NSD2: variants seen among roughly 807,000 people sequenced by gnomAD.
NSD2 encodes the protein histone-lysine N-methyltransferase NSD2.
Under a neutral mutation model 139.0 loss-of-function variants are expected in NSD2, and 12 were observed. That is an observed-to-expected ratio of 0.09 (90% CI 0.06 to 0.14). The LOEUF (loss-of-function observed/expected upper bound fraction) is 0.14. Among genes scored for constraint, NSD2 ranks in the 10% least tolerant of loss-of-function variants. NSD2 has a pLI of 1.00. For missense variants in NSD2, 1,155 were observed against 1,745.0 expected (o/e 0.66, Z 6.02); for synonymous variants, 669 against 648.7 (o/e 1.03, Z -0.48).
chr4:1,921,156 CTT>C (rs947263601), intron 5 of NSD2, among the ~76,000 whole-genome samples: 1 of 152,122 alleles, frequency 6.6e-6, no homozygotes, highest in African/African-American at 2.4e-5. Context: ...ACACATGAAA[CTT>C]TAGAAGCATT....
intron 1 of NSD2, among the ~76,000 whole-genome samples, chr4:1,873,684 C>A (rs1198145552): frequency 6.6e-6 from 1 of 152,202 alleles, no homozygotes; most frequent in African/African-American, 2.4e-5. Context: ...AAAGTTTACT[C>A]ACATGGCAGA....
In NSD2 at chr4:1,978,793, T is replaced by G. The variant is rs1560825389; in HGVS notation, c.3982T>G (p.Leu1328Val). 1 of 1,613,032 alleles carries G rather than the reference T, an allele frequency of 6.2e-7. No homozygotes were observed. Among genetic ancestry groups the G allele is most frequent in the East Asian group, 2.2e-5 (1 of 44,824 alleles). ...DGRSYCCEHD[L>V]GAASVRSTKT... ...GCGGTCCTACTGCTGTGAGCATGAC[T>G]TAGGGGCGGCATCGGTCAGAAGCAC... Residue 1328 changes from leucine to valine, a missense_variant, in exon 22 of 22, where the codon TTA becomes GTA. By Grantham distance (32) the Leu-to-Val change is conservative. This residue lies in a region of NSD2 where 132 missense variants were observed against 94.3 expected (regional missense o/e 1.40). Transcript: ENST00000508803.
chr4:1,953,290 C>T (rs1436531320), intron 11 of NSD2, 34 bp from the exon 12 acceptor site: 4 of 1,614,052 alleles, frequency 2.5e-6, no homozygotes, highest in South Asian at 1.1e-5. Flanking sequence ...TTCTTTGCAC[C>T]TCTCTCTCCA....
At chr4:1,931,400 T>C (rs1471533806) in intron 6 of NSD2, among the ~76,000 whole-genome samples, 1 of 152,164 alleles carries the variant, frequency 6.6e-6, no homozygotes, top group East Asian at 1.9e-4. Flanking sequence ...AGAGCTGACA[T>C]TGTAAGATTT....
intron 2 of NSD2, among the ~76,000 whole-genome samples, chr4:1,902,817 C>A (rs954168541): frequency 4.6e-5 from 7 of 152,130 alleles, no homozygotes; most frequent in African/African-American, 1.7e-4. Flanking sequence ...TTGACTCTTC[C>A]TCTGGAGAGT....
At chr4:1,938,401 CTTTTTTTTTTCTTTCTTTT>C in intron 7 of NSD2, 31 bp from the exon 8 acceptor site, 1 of 872,426 alleles carries the variant, frequency 1.1e-6, no homozygotes, top group Non-Finnish European at 1.4e-6. Flanking sequence ...TTTTTCTTTT[CTTTTTTTTTTCTTTCTTTT>C]TTTTTTTTTT....
intron 7 of NSD2, 31 bp from the exon 8 acceptor site, chr4:1,938,420 T>G: frequency 5.1e-6 from 5 of 988,602 alleles, no homozygotes; most frequent in Non-Finnish European, 6.8e-6. Context: ...TTCTTTCTTT[T>G]TTTTTTTTTT....
chr4:1,888,732 A>C (rs1560561590), intron 1 of NSD2, among the ~76,000 whole-genome samples: 1 of 148,938 alleles, frequency 6.7e-6, no homozygotes, highest in Admixed American at 6.7e-5. Context: ...CGCCTGGCTA[A>C]TTTTTGTATT....
chr4:1,881,614 C>G (rs1714699843), intron 1 of NSD2, among the ~76,000 whole-genome samples: 1 of 152,118 alleles, frequency 6.6e-6, no homozygotes, highest in Admixed American at 6.6e-5. Flanking sequence ...CCAGGCTGGT[C>G]TTGAATTCCT....
chr4:1,942,361 T>A lies in NSD2; in HGVS notation c.1881+2583T>A. 1 of 1,613,900 alleles carries A rather than the reference T, an allele frequency of 6.2e-7. No homozygotes were observed. The highest frequency in any genetic ancestry group is 1.6e-4 in the Middle Eastern group (1 of 6,062). ...CAGCTTTTGTGGGAGCCCACACCAG[T>A]CAAGTTGGATTTGAACCCAGCTGCT... On this transcript the variant is annotated intron_variant, in intron 9 of 21. Transcript: ENST00000508803. This position sits in a 1 kb window ranked among gnomAD's most constrained non-coding sequence, Gnocchi z 4.0.
rs1181102197 is a variant in NSD2, at chr4:1,945,085, G to A, written c.1881+5307G>A. On this transcript the variant is annotated intron_variant, in intron 9 of 21. Transcript: ENST00000508803. The stretch of plus-strand genomic sequence containing the variant: ...CCTCTGTCCCACTGCTGCTTCTTGA[G>A]TGGGTGGAGTGGTGCTTAGAGGATC... 5 of 1,066,616 alleles carry A rather than the reference G, an allele frequency of 4.7e-6. No individual in the cohort carries two copies. The African/African-American group carries it at 8.2e-5, about 17-fold the overall frequency. The allele number at this position is 1,066,616 out of a possible 1,614,324, so 66.1% of individuals were successfully genotyped here.
intron 3 of NSD2, among the ~76,000 whole-genome samples, chr4:1,905,117 C>T (rs574716246): frequency 4.0e-5 from 6 of 151,434 alleles, no homozygotes; most frequent in East Asian, 1.9e-4. Context: ...GCAACAACAG[C>T]GAAACTCTGT....
At position 1,974,680 on chromosome 4, in the gene NSD2, C is replaced by A; in HGVS notation, c.3373-183C>A. 2.2e-6 allele frequency: 2 copies of A among 893,270 alleles called. No homozygotes were observed. Among genetic ancestry groups the A allele is most frequent in the Non-Finnish European group, 3.7e-6 (2 of 538,466 alleles). The allele number at this position is 893,270 out of a possible 1,614,324, so 55.3% of individuals were successfully genotyped here. On this transcript the variant is annotated intron_variant, in intron 18 of 21. Coordinates refer to ENST00000508803, the MANE Select transcript of NSD2 (RefSeq NM_001042424.3). The surrounding 1 kb of genome is among the most constrained non-coding windows in gnomAD (Gnocchi z 4.0). ...CCTCTCCACGTGGTCCTGACCTGTCCTCTGTGAGCAAGAGAAACAGGACTG... is the reference window on the plus strand; with the variant it reads ...CCTCTCCACGTGGTCCTGACCTGTCATCTGTGAGCAAGAGAAACAGGACTG...
Position 1,872,591 on chromosome 4 carries a change from T to TGAGAGAGAGAGAGAGA in NSD2, c.-30+1079_-30+1094dup, listed in dbSNP as rs1200688066. 8.7e-3 allele frequency among the ~76,000 whole-genome samples: 390 copies of TGAGAGAGAGAGAGAGA among 44,776 alleles called. 8 individuals are homozygous for TGAGAGAGAGAGAGAGA. The highest frequency in any genetic ancestry group is 0.027 in the East Asian group (21 of 790). 29.4% of individuals were successfully genotyped at this position (44,776 alleles called of 152,430 possible). The stretch of plus-strand genomic sequence containing the variant: ...GTGTGTGTGTGTGTGTGTGTGTGTG[T>TGAGAGAGAGAGAGAGA]GAGAGAGAGAGAGAGAGAGAGAGAG... On this transcript the variant is annotated intron_variant, in intron 1 of 21. Coordinates refer to ENST00000508803, the MANE Select transcript of NSD2 (RefSeq NM_001042424.3).
chr4:1,943,543 A>G (rs1307611090), intron 9 of NSD2: 5 of 1,050,796 alleles, frequency 4.8e-6, no homozygotes, highest in Non-Finnish European at 5.7e-6. Context: ...GAAGTGGCAG[A>G]ACACTGGATT....
At chr4:1,872,479 A>T (rs1043143705) in intron 1 of NSD2, among the ~76,000 whole-genome samples, 1 of 152,118 alleles carries the variant, frequency 6.6e-6, no homozygotes, top group Non-Finnish European at 1.5e-5. Flanking sequence ...TTCTGTGCCC[A>T]CGATGGGCTT....
In NSD2 at chr4:1,947,791, CTG is replaced by C. The variant is rs1170968160; in HGVS notation, c.1882-3279_1882-3278del. 14 of 1,048,090 alleles carry C rather than the reference CTG, an allele frequency of 1.3e-5. No homozygotes were observed. The Admixed American group carries it at 2.8e-4, about 21-fold the overall frequency. 64.9% of individuals were successfully genotyped at this position (1,048,090 alleles called of 1,614,324 possible). ...TATAGAAATATTTATTGTTCAAGGT[CTG>C]TAATTGTATTTCAAAAACGATGTCG... On this transcript the variant is annotated intron_variant, in intron 9 of 21. Coordinates refer to ENST00000508803, the MANE Select transcript of NSD2 (RefSeq NM_001042424.3).
rs531021168 is a variant in NSD2, at chr4:1,872,468, T to C, written c.-30+926T>C. Among the ~76,000 whole-genome samples the C allele has an allele frequency of 1.1e-4, 16 of 152,292 alleles. 1 individual carries two copies. The highest frequency in any genetic ancestry group is 9.8e-4 in the Admixed American group (15 of 15,310). ...TATAGGACCCATTGCAGCACGAATC[T>C]TTCTGTGCCCACGATGGGCTTTGAC... On this transcript the variant is annotated intron_variant, in intron 1 of 21. Coordinates refer to ENST00000508803, the MANE Select transcript of NSD2 (RefSeq NM_001042424.3).
In NSD2 at chr4:1,942,276, A is replaced by G. The variant is rs1723180377; in HGVS notation, c.1881+2498A>G. ...AATTAATGTGATTTAAGTGTTTTGTAACTTCATTTTTTATTCCTTTAGTAG... is the reference window on the plus strand; with the variant it reads ...AATTAATGTGATTTAAGTGTTTTGTGACTTCATTTTTTATTCCTTTAGTAG... On this transcript the variant is annotated intron_variant, in intron 9 of 21. Transcript: ENST00000508803. The surrounding 1 kb of genome is among the most constrained non-coding windows in gnomAD (Gnocchi z 4.0). 7 of 1,595,106 alleles carry G rather than the reference A, an allele frequency of 4.4e-6. No individual in the cohort carries two copies. In the South Asian group the frequency reaches 6.9e-5, roughly 16 times the overall value.
Sources: allele counts gnomAD v4.1 joint callset (sites outside exome capture counted in the v4.1 genomes callset), GRCh38; gene constraint gnomAD v4.1.1; regional missense constraint gnomAD v4.1.1; non-coding constraint Gnocchi (gnomAD v3.1); transcripts MANE v1.5; gene names NCBI Gene and HGNC (gene_info 2026-07-23, HGNC 2026-07-21).